ASCC1: variants seen among roughly 807,000 people sequenced by gnomAD.
ASCC1 encodes activating signal cointegrator 1 complex subunit 1, also known as ASC-1 complex subunit P50.
ASCC1 carries 35 observed loss-of-function variants against 46.6 expected under a neutral mutation model. The ratio of observed to expected loss-of-function variants is 0.75; its 90% CI spans 0.57 to 0.99. ASCC1 has a LOEUF of 0.99. Ranked by LOEUF, ASCC1 falls within the 50% of genes least tolerant of loss-of-function variation. ASCC1 has a pLI of 0.00. For synonymous variants in ASCC1, 143 were observed against 146.6 expected, an observed-to-expected ratio of 0.98 and a Z score of 0.18; for missense variants, 376 against 428.7, an observed-to-expected ratio of 0.88 and a Z score of 1.09.
chr10:72,151,992 A>ATT (rs35458668), intron 7 of ASCC1, among the ~76,000 whole-genome samples: 1 of 118,208 alleles, frequency 8.5e-6, no homozygotes, highest in African/African-American at 3.2e-5. Flanking sequence ...ACCGGCCAAT[A>ATT]TTTTTTTTTT....
Position 72,213,216 on chromosome 10 carries a change from T to A in ASCC1, c.83A>T (p.His28Leu). The change falls in exon 2 of 10, where the codon CAT becomes CTT. Residue 28 changes from histidine (H) to leucine (L), a missense_variant. Coordinates refer to ENST00000672957, the MANE Select transcript of ASCC1 (RefSeq NM_001198800.3). ...KNPVQEQTYQ[H>L]EEDEEDFYQG... is the part of the protein sequence containing the mutation. ...ATAGAAGTCCTCTTCATCTTCTTCA[T>A]GTTGATAGGTCTGTTCTTGGACTGG... The A allele has an allele frequency of 6.2e-7, 1 of 1,613,694 alleles. No individual in the cohort carries two copies. The highest frequency in any genetic ancestry group is 8.5e-7 in the Non-Finnish European group (1 of 1,179,654).
chr10:72,198,352 G>GCA, intron 4 of ASCC1: 3 of 58,638 alleles, frequency 5.1e-5, no homozygotes, highest in Admixed American at 2.7e-4. Flanking sequence ...GGAGGGGAGG[G>GCA]GAGGGGAGGG....
chr10:72,167,212 A>G (rs1001968727), intron 5 of ASCC1, among the ~76,000 whole-genome samples: 2 of 152,222 alleles, frequency 1.3e-5, no homozygotes, highest in African/African-American at 4.8e-5. Flanking sequence ...CCACAAGTCC[A>G]CCAACTGGTG....
At chr10:72,131,975 T>C (rs1845666016) in intron 8 of ASCC1, among the ~76,000 whole-genome samples, 1 of 151,734 alleles carries the variant, frequency 6.6e-6, no homozygotes. Context: ...TTCAAGCGAT[T>C]GTCTTGCCTC....
At chr10:72,216,784 T>C, upstream of ASCC1, 1 of 455,982 alleles carries the variant, frequency 2.2e-6, no homozygotes, top group Non-Finnish European at 4.4e-6. Flanking sequence ...GCATCGTTAC[T>C]CTCCTGTGAG....
chr10:72,102,234 A>C (rs943617691), intron 9 of ASCC1: 1 of 1,018,348 alleles, frequency 9.8e-7, no homozygotes, highest in African/African-American at 1.6e-5. Flanking sequence ...GGTGTATATG[A>C]GGCTGCCATT....
intron 1 of ASCC1, among the ~76,000 whole-genome samples, chr10:72,213,965 G>A (rs576083935): frequency 6.6e-6 from 1 of 152,162 alleles, no homozygotes; most frequent in Non-Finnish European, 1.5e-5. Flanking sequence ...TTGAACCCAG[G>A]AGGCGGAAGT....
intron 5 of ASCC1, chr10:72,189,991 T>C (rs907703002): frequency 2.6e-6 from 2 of 757,030 alleles, no homozygotes; most frequent in East Asian, 2.4e-5. Flanking sequence ...AACAGTCTGA[T>C]GTCATGTGCT....
chr10:72,124,142 G>A (rs1215026280), intron 9 of ASCC1, among the ~76,000 whole-genome samples: 1 of 152,182 alleles, frequency 6.6e-6, no homozygotes, highest in Non-Finnish European at 1.5e-5. Context: ...AAGTCTCAAT[G>A]TGGCTAGAGA....
rs1227316028 is a variant in ASCC1, at chr10:72,162,314, G to A, written c.490-640C>T. 6.2e-4 allele frequency among the ~76,000 whole-genome samples: 94 copies of A among 151,944 alleles called. 1 individual carries two copies. The highest frequency in any genetic ancestry group is 1.3e-4 in the Non-Finnish European group (9 of 67,992). On this transcript the variant is annotated intron_variant, in intron 5 of 9. Coordinates refer to ENST00000672957, the MANE Select transcript of ASCC1 (RefSeq NM_001198800.3). ...GCCTCCCAAGTAGCTGGGACTACAG[G>A]CGCCCGCCACCACGCCCGGCTAATT... is the stretch of plus-strand genomic sequence containing the variant.
intron 9 of ASCC1, among the ~76,000 whole-genome samples, chr10:72,105,836 T>C (rs1210917089): frequency 6.6e-6 from 1 of 152,172 alleles, no homozygotes; most frequent in Non-Finnish European, 1.5e-5. Flanking sequence ...CCTTCCCCAT[T>C]GCCCTGTGAC....
upstream of ASCC1, chr10:72,216,948 A>G (rs1436839086): frequency 2.2e-6 from 1 of 456,264 alleles, no homozygotes; most frequent in South Asian, 1.5e-5. Context: ...CACAATGAGA[A>G]AGAAAAAAAT....
chr10:72,139,813 C>T (rs1026605857), intron 7 of ASCC1, among the ~76,000 whole-genome samples: 4 of 152,188 alleles, frequency 2.6e-5, no homozygotes, highest in African/African-American at 9.7e-5. Context: ...TTCCTGAGCG[C>T]TCACTGTGTA....
intron 5 of ASCC1, among the ~76,000 whole-genome samples, chr10:72,169,104 A>T (rs1405985195): frequency 6.6e-6 from 1 of 152,244 alleles, no homozygotes; most frequent in African/African-American, 2.4e-5. Context: ...GTATAAACAC[A>T]TGTATACAAT....
chr10:72,186,664 T>A (rs1393780981), intron 5 of ASCC1, among the ~76,000 whole-genome samples: 1 of 152,172 alleles, frequency 6.6e-6, no homozygotes, highest in East Asian at 1.9e-4. Context: ...CTCTTCCATA[T>A]AATCTAGATA....
intron 5 of ASCC1, among the ~76,000 whole-genome samples, chr10:72,195,742 G>A (rs939808039): frequency 1.3e-5 from 2 of 151,392 alleles, no homozygotes; most frequent in African/African-American, 4.9e-5. Context: ...GCTGAGATAG[G>A]AGAATTGCTT....
chr10:72,146,766 A>AGT (rs1465458600), intron 7 of ASCC1, among the ~76,000 whole-genome samples: 1 of 152,194 alleles, frequency 6.6e-6, no homozygotes, highest in Non-Finnish European at 1.5e-5. Context: ...ATCTGATCTA[A>AGT]GTGGTTACGT....
At chr10:72,155,689 T>C (rs1848871752) in intron 6 of ASCC1, among the ~76,000 whole-genome samples, 1 of 152,244 alleles carries the variant, frequency 6.6e-6, no homozygotes, top group Admixed American at 6.5e-5. Context: ...TTAACACGTA[T>C]TACCTTTGTG....
intron 9 of ASCC1, among the ~76,000 whole-genome samples, chr10:72,115,719 ATGG>A (rs1843424058): frequency 6.6e-6 from 1 of 152,208 alleles, no homozygotes; most frequent in African/African-American, 2.4e-5. Flanking sequence ...TTTTGGTATA[ATGG>A]TAGAGGTGGC....
Sources: allele counts gnomAD v4.1 joint callset (sites outside exome capture counted in the v4.1 genomes callset), GRCh38; gene constraint gnomAD v4.1.1; transcripts MANE v1.5; gene names NCBI Gene and HGNC (gene_info 2026-07-23, HGNC 2026-07-21).